Variants in MIDEAS observed in about 807,000 individuals in gnomAD.
MIDEAS encodes the protein mitotic deacetylase-associated SANT domain protein.
Under a neutral mutation model 102.7 loss-of-function variants are expected in MIDEAS, and 26 were observed. The ratio of observed to expected loss-of-function variants is 0.25; its 90% CI spans 0.19 to 0.35. MIDEAS has a LOEUF of 0.35. MIDEAS is among the 10% of genes least tolerant of loss of function. The probability of loss-of-function intolerance (pLI) is 1.00; values close to 1 mark genes in which losing one functional copy is unlikely to be tolerated. For missense variants in MIDEAS, 1,231 were observed against 1,435.6 expected (o/e 0.86, Z 2.30); for synonymous variants, 585 against 591.0 (o/e 0.99, Z 0.15).
intron 1 of MIDEAS, among the ~76,000 whole-genome samples, chr14:73,780,523 T>A (rs1273785761): frequency 1.3e-5 from 2 of 152,250 alleles, no homozygotes; most frequent in Non-Finnish European, 2.9e-5. Flanking sequence ...ATGACCTATC[T>A]CAGGAGCTAG....
At chr14:73,740,340 C>A (rs988992920) in intron 1 of MIDEAS, 85 bp from the exon 2 acceptor site, 23 of 399,224 alleles carry the variant, frequency 5.8e-5, no homozygotes, top group Non-Finnish European at 8.8e-5. Context: ...AAAGGGGCTC[C>A]AAGGGCCTTC....
chr14:73,736,079 C>T (rs1014173009), intron 3 of MIDEAS, among the ~76,000 whole-genome samples: 1 of 152,010 alleles, frequency 6.6e-6, no homozygotes, highest in Non-Finnish European at 1.5e-5. Flanking sequence ...ATCTCTTGAA[C>T]CCAGGAGGTT....
intron 9 of MIDEAS, 85 bp from the exon 10 acceptor site, chr14:73,722,932 C>G: frequency 1.3e-6 from 2 of 1,510,158 alleles, no homozygotes; most frequent in Non-Finnish European, 1.8e-6. Flanking sequence ...GTCCCTGCAT[C>G]TTTCCCTTAA....
At chr14:73,772,979 C>T (rs1301699703) in intron 1 of MIDEAS, among the ~76,000 whole-genome samples, 1 of 152,044 alleles carries the variant, frequency 6.6e-6, no homozygotes, top group East Asian at 1.9e-4. Context: ...GCTAGGGTTA[C>T]AGGCGCGCAC....
chr14:73,721,401 C>T lies in MIDEAS; in HGVS notation c.2833G>A (p.Glu945Lys). ...VKEPRKEGEE[E>K]VPEIQEKEEQ... ...TCCTTCTCTTGGATCTCTGGCACCT[C>T]CTCCTCCCCCTCCTTCCTGGGCTCC... Residue 945 changes from glutamate to lysine, a missense_variant, in exon 11 of 13, where the codon GAG becomes AAG. By Grantham distance (56) the Glu-to-Lys change is moderately conservative. This residue lies in a region of MIDEAS where 391 missense variants were observed against 483.0 expected (regional missense o/e 0.81). Transcript: ENST00000423556. 3.1e-6 allele frequency: 5 copies of T among 1,614,134 alleles called. No individual in the cohort carries two copies. The highest frequency in any genetic ancestry group is 1.3e-5 in the African/African-American group (1 of 75,026).
At chr14:73,719,070 T>C (rs1183291899) in intron 12 of MIDEAS, 62 bp from the exon 13 acceptor site, 2 of 1,446,228 alleles carry the variant, frequency 1.4e-6, no homozygotes, top group Non-Finnish European at 1.8e-6. Context: ...CCAGCGCGGG[T>C]GCGCGAGGAG....
upstream of MIDEAS, among the ~76,000 whole-genome samples, chr14:73,787,673 T>C (rs1595307999): frequency 6.6e-6 from 1 of 152,228 alleles, no homozygotes; most frequent in Admixed American, 6.5e-5. Flanking sequence ...TATGTGTTCT[T>C]AATGCCTAAA....
intron 2 of MIDEAS, 132 bp from the exon 3 acceptor site, chr14:73,737,429 G>A: frequency 9.7e-7 from 1 of 1,028,550 alleles, no homozygotes; most frequent in Non-Finnish European, 1.4e-6. Context: ...TTCAAGACCA[G>A]CCTGGGCAAC....
At chr14:73,775,797 C>T (rs536315756) in intron 1 of MIDEAS, among the ~76,000 whole-genome samples, 2 of 152,034 alleles carry the variant, frequency 1.3e-5, no homozygotes, top group Non-Finnish European at 1.5e-5. Context: ...GAGGGCAAGA[C>T]GGGAGCTGGA....
At chr14:73,757,928 G>A (rs1396805774) in intron 1 of MIDEAS, among the ~76,000 whole-genome samples, 3 of 152,192 alleles carry the variant, frequency 2.0e-5, no homozygotes, top group African/African-American at 7.2e-5. Context: ...CCTGGGGCGG[G>A]GTGAGGAGCT....
chr14:73,767,011 C>G (rs2053597817), intron 1 of MIDEAS, among the ~76,000 whole-genome samples: 1 of 151,938 alleles, frequency 6.6e-6, no homozygotes, highest in African/African-American at 2.4e-5. Context: ...CTCGCCACCA[C>G]ACCCAGCTAA....
intron 3 of MIDEAS, 26 bp downstream of exon 3, chr14:73,736,972 G>T: frequency 1.2e-6 from 2 of 1,600,730 alleles, no homozygotes; most frequent in Non-Finnish European, 1.7e-6. Context: ...CGCGCTGGAG[G>T]TGTTTAGAAG....
In MIDEAS at chr14:73,759,063, C is replaced by A. The variant is rs2053522905; in HGVS notation, c.-248+700G>T. ...ACCGCGCGGGCTGGGAGGGCTGCGG[C>A]GGCGCGGGCGTGCGGGGGCGCGCGG... On this transcript the variant is annotated intron_variant, in intron 1 of 12. Transcript: ENST00000423556. This position sits in a 1 kb window ranked among gnomAD's most constrained non-coding sequence, Gnocchi z 6.7. Among the ~76,000 whole-genome samples the A allele has an allele frequency of 2.0e-5, 3 of 152,226 alleles. No homozygotes were observed. The highest frequency in any genetic ancestry group is 2.0e-4 in the Admixed American group (3 of 15,302).
chr14:73,726,749 G>C, intron 6 of MIDEAS, 42 bp from the exon 7 acceptor site: 1 of 1,613,092 alleles, frequency 6.2e-7, no homozygotes, highest in Non-Finnish European at 8.5e-7. Flanking sequence ...AGGAAACCAC[G>C]TTCAGGGCGG....
At chr14:73,787,553 G>A (rs1459003453), upstream of MIDEAS, 3 of 152,258 alleles carry the variant, frequency 2.0e-5, no homozygotes, top group Non-Finnish European at 4.4e-5. Flanking sequence ...GGAAAGCTGG[G>A]GTTCCAGGGT....
chr14:73,757,279 C>A (rs199894767), intron 1 of MIDEAS, among the ~76,000 whole-genome samples: 71 of 67,682 alleles, frequency 1.0e-3, no homozygotes, highest in East Asian at 1.8e-3. Context: ...CTCTAACAAC[C>A]AAAAAAAAAA....
intron 3 of MIDEAS, among the ~76,000 whole-genome samples, chr14:73,734,963 G>A (rs975265785): frequency 1.3e-5 from 2 of 152,174 alleles, no homozygotes; most frequent in African/African-American, 4.8e-5. Flanking sequence ...GGAAAGGCAA[G>A]ATGGGAAACA....
At chr14:73,719,222 T>TCCCCCGGCCCCCCCCC in intron 12 of MIDEAS, 83 bp downstream of exon 12, 6 of 1,497,106 alleles carry the variant, frequency 4.0e-6, no homozygotes, top group Non-Finnish European at 3.6e-6. Context: ...CTGTACCTCT[T>TCCCCCGGCCCCCCCCC]CCCCCTCCCC....
At chr14:73,772,657 A>T (rs978484209) in intron 1 of MIDEAS, among the ~76,000 whole-genome samples, 1 of 152,104 alleles carries the variant, frequency 6.6e-6, no homozygotes, top group Non-Finnish European at 1.5e-5. Flanking sequence ...GTATGAGATT[A>T]AAAAAATAAT....
Sources: gnomAD v4.1 joint callset for allele counts (sites outside exome capture counted in the v4.1 genomes callset) on GRCh38, gnomAD v4.1.1 for gene constraint, gnomAD v4.1.1 regional missense constraint, Gnocchi (gnomAD v3.1) non-coding constraint, MANE v1.5 for transcripts, NCBI Gene and HGNC (gene_info 2026-07-23, HGNC 2026-07-21) for gene names.